DRC3: variants seen among roughly 807,000 people sequenced by gnomAD.
DRC3 encodes the protein dynein regulatory complex subunit 3.
Under a neutral mutation model 57.6 loss-of-function variants are expected in DRC3, and 45 were observed. The ratio of observed to expected loss-of-function variants is 0.78; its 90% CI spans 0.62 to 1.00. DRC3 has a LOEUF of 1.00. Ranked by LOEUF, DRC3 falls within the 50% of genes least tolerant of loss-of-function variation. DRC3 has a pLI of 0.00. For synonymous variants in DRC3, 257 were observed against 272.3 expected (o/e 0.94, Z 0.55); for missense variants, 655 against 675.2 (o/e 0.97, Z 0.33).
At chr17:17,979,000 A>G (rs974760114) in intron 3 of DRC3, among the ~76,000 whole-genome samples, 1 of 152,250 alleles carries the variant, frequency 6.6e-6, no homozygotes, top group Non-Finnish European at 1.5e-5. Context: ...GCTAAACGTA[A>G]TATGTGGTGT....
intron 12 of DRC3, 189 bp downstream of exon 12, chr17:18,007,336 AC>A (rs1466667224): frequency 6.8e-7 from 1 of 1,477,282 alleles, no homozygotes; most frequent in East Asian, 2.5e-5. Context: ...CTGGTGGGGC[AC>A]CCAGTGGGGC....
At chr17:17,976,192 G>A (rs958687174) in intron 2 of DRC3, among the ~76,000 whole-genome samples, 1 of 152,206 alleles carries the variant, frequency 6.6e-6, no homozygotes, top group Non-Finnish European at 1.5e-5. Flanking sequence ...CCAGCAGGGA[G>A]GCAAGAATCA....
chr17:18,013,087 AG>A (rs1353317170), intron 12 of DRC3, among the ~76,000 whole-genome samples: 3 of 152,254 alleles, frequency 2.0e-5, no homozygotes, highest in Admixed American at 1.3e-4. Context: ...AATGCAAATA[AG>A]AACCAGAATG....
intron 3 of DRC3, among the ~76,000 whole-genome samples, chr17:17,979,204 C>CG (rs1568454080): frequency 6.6e-6 from 1 of 152,192 alleles, no homozygotes; most frequent in African/African-American, 2.4e-5. Flanking sequence ...GGCTGGACCC[C>CG]GCCTTATCAT....
intron 3 of DRC3, among the ~76,000 whole-genome samples, chr17:17,980,159 C>T (rs1160647334): frequency 1.3e-5 from 2 of 152,184 alleles, no homozygotes; most frequent in African/African-American, 4.8e-5. Flanking sequence ...GGAGGGGTTC[C>T]CCACTTTCCC....
At chr17:18,007,002 T>A (rs1239144782) in intron 11 of DRC3, 22 bp from the exon 12 acceptor site, 2 of 1,609,688 alleles carry the variant, frequency 1.2e-6, no homozygotes, top group South Asian at 2.2e-5. Context: ...CTCCCGGGCC[T>A]TTGCTTAACT....
rs1268856594 is a variant in DRC3, at chr17:18,008,171, G to A, written c.1326+1024G>A. Among the ~76,000 whole-genome samples the A allele has an allele frequency of 2.6e-5, 4 of 151,992 alleles. No individual in the cohort carries two copies. The highest frequency in any genetic ancestry group is 2.6e-4 in the Admixed American group (4 of 15,258). On this transcript the variant is annotated intron_variant, in intron 12 of 13. Coordinates refer to ENST00000399187, the MANE Select transcript of DRC3 (RefSeq NM_031294.4). This position sits in a 1 kb window ranked among gnomAD's most constrained non-coding sequence, Gnocchi z 4.3. Reference sequence around the variant, plus strand: ...TCACCCAGGCTTGCTCCTTTCAGTTGATATTCCACCTGGCAGACACGCTCT... The same window carrying A: ...TCACCCAGGCTTGCTCCTTTCAGTTAATATTCCACCTGGCAGACACGCTCT...
At chr17:17,995,568 C>G (rs1309661262) in intron 8 of DRC3, 1 of 163,786 alleles carries the variant, frequency 6.1e-6, no homozygotes, top group East Asian at 1.8e-4. Flanking sequence ...GCTTTTGAAG[C>G]TTTGTCTGTG....
At position 17,999,945 on chromosome 17, in the gene DRC3, C is replaced by T. The variant is rs111370311; in HGVS notation, c.999+2311C>T. On this transcript the variant is annotated intron_variant, in intron 9 of 13. Transcript: ENST00000399187. ...GTGTGTGTGTGCGTGCGTGCACACG[C>T]GCACATAGCATGCCCTATTCTGTAC... Among the ~76,000 whole-genome samples, 749 of 151,838 alleles carry T rather than the reference C, an allele frequency of 4.9e-3. 6 individuals carry two copies. Among genetic ancestry groups the T allele is most frequent in the African/African-American group, 0.017 (706 of 41,418 alleles).
At chr17:17,982,165 G>A (rs913764152) in intron 3 of DRC3, among the ~76,000 whole-genome samples, 1 of 149,294 alleles carries the variant, frequency 6.7e-6, no homozygotes, top group Admixed American at 6.7e-5. Flanking sequence ...ACTAATTTTT[G>A]TATTTTTAGT....
chr17:18,010,254 G>T (rs1264590576), intron 12 of DRC3, among the ~76,000 whole-genome samples: 1 of 152,172 alleles, frequency 6.6e-6, no homozygotes, highest in Non-Finnish European at 1.5e-5. Context: ...GAGAATGCAG[G>T]GTTGTCAGGT....
At chr17:17,977,405 T>C (rs2042437733) in intron 2 of DRC3, 177 bp from the exon 3 acceptor site, 2 of 681,740 alleles carry the variant, frequency 2.9e-6, no homozygotes, top group Non-Finnish European at 4.9e-6. Context: ...CAGGAAGCCC[T>C]GGAGCAGCCT....
In DRC3 at chr17:18,008,582, C is replaced by A. The variant is rs1336747365; in HGVS notation, c.1326+1435C>A. Among the ~76,000 whole-genome samples, 1 of 152,212 alleles carries A rather than the reference C, an allele frequency of 6.6e-6. No homozygotes were observed. The highest frequency in any genetic ancestry group is 1.9e-4 in the East Asian group (1 of 5,192). ...GATATGGGGCTAAGTCTTGCAGACACACAGGACCAGCAGTCCCTGACTTCC... is the reference window on the plus strand; with the variant it reads ...GATATGGGGCTAAGTCTTGCAGACAAACAGGACCAGCAGTCCCTGACTTCC... On this transcript the variant is annotated intron_variant, in intron 12 of 13. Coordinates refer to ENST00000399187, the MANE Select transcript of DRC3 (RefSeq NM_031294.4). This position sits in a 1 kb window ranked among gnomAD's most constrained non-coding sequence, Gnocchi z 4.3.
intron 9 of DRC3, among the ~76,000 whole-genome samples, chr17:18,002,602 G>A (rs771527373): frequency 6.6e-6 from 1 of 152,126 alleles, no homozygotes; most frequent in Non-Finnish European, 1.5e-5. Context: ...GTCTTTCCTT[G>A]CCAGGGTCTT....
chr17:18,006,627 CAG>C (rs1344533846), intron 11 of DRC3: 3 of 364,774 alleles, frequency 8.2e-6, no homozygotes, highest in African/African-American at 4.1e-5. Flanking sequence ...CACCCGAACT[CAG>C]GGCACTCCAC....
At chr17:17,989,290 T>G (rs2043113027) in intron 5 of DRC3, among the ~76,000 whole-genome samples, 1 of 152,024 alleles carries the variant, frequency 6.6e-6, no homozygotes, top group African/African-American at 2.4e-5. Flanking sequence ...AGGTGTGTGG[T>G]GCAGGGTTGG....
chr17:17,992,924 C>T lies in DRC3; in HGVS notation c.591+13C>T, dbSNP rs1197890845. ...TGATGACCACACAGCAAGTGTCTCC[C>T]TCTCAGTCTCCCAGCCCTGTGAGAC... is the stretch of plus-strand genomic sequence containing the variant. On this transcript the variant is annotated intron_variant, in intron 6 of 13. Coordinates refer to ENST00000399187, the MANE Select transcript of DRC3 (RefSeq NM_031294.4). The T allele has an allele frequency of 1.5e-5, 25 of 1,613,642 alleles. No homozygotes were observed. Among genetic ancestry groups the T allele is most frequent in the Non-Finnish European group, 1.9e-5 (22 of 1,179,736 alleles).
intron 3 of DRC3, among the ~76,000 whole-genome samples, chr17:17,980,875 G>A (rs1160294919): frequency 6.6e-6 from 1 of 152,152 alleles, no homozygotes; most frequent in Non-Finnish European, 1.5e-5. Flanking sequence ...TTACACGTGT[G>A]AGCCACCGCA....
At chr17:18,003,411 G>A (rs2043816930) in intron 9 of DRC3, among the ~76,000 whole-genome samples, 2 of 137,554 alleles carry the variant, frequency 1.5e-5, no homozygotes, top group African/African-American at 5.4e-5. Flanking sequence ...CTTGAACTCA[G>A]GAGGCAGAGG....
Sources: gnomAD v4.1 joint callset for allele counts (sites outside exome capture counted in the v4.1 genomes callset) on GRCh38, gnomAD v4.1.1 for gene constraint, Gnocchi (gnomAD v3.1) non-coding constraint, MANE v1.5 for transcripts, NCBI Gene and HGNC (gene_info 2026-07-23, HGNC 2026-07-21) for gene names.